The following OXR1 variants were observed in gnomAD, a reference collection of about 807,000 sequenced individuals.
The protein encoded by OXR1 is oxidation resistance protein 1.
OXR1 carries 41 observed loss-of-function variants against 104.6 expected under a neutral mutation model. The observed-to-expected ratio is 0.39, with a 90% CI of 0.31 to 0.51. The LOEUF (loss-of-function observed/expected upper bound fraction) is 0.51, where lower values mean the gene tolerates loss of function less well. OXR1 is among the 20% of genes least tolerant of loss of function. The pLI, the probability that OXR1 is intolerant of heterozygous loss-of-function variation, is 0.77. For missense variants in OXR1, 955 were observed against 1,031.9 expected, an observed-to-expected ratio of 0.93 and a Z score of 1.02; for synonymous variants, 348 against 348.4, an observed-to-expected ratio of 1.00 and a Z score of 0.01.
intron 1 of OXR1, among the ~76,000 whole-genome samples, chr8:106,348,731 T>G (rs1216671322): frequency 6.6e-6 from 1 of 152,218 alleles, no homozygotes; most frequent in African/African-American, 2.4e-5. Flanking sequence ...CTTTGAGTTT[T>G]GAACCGAGAA....
chr8:106,329,647 A>G (rs1167669229), intron 1 of OXR1, among the ~76,000 whole-genome samples: 7 of 152,182 alleles, frequency 4.6e-5, no homozygotes, highest in Non-Finnish European at 1.0e-4. Flanking sequence ...GCGCCCAGCC[A>G]TCAGTGACAC....
At chr8:106,542,863 C>T (rs117930821) in intron 3 of OXR1, among the ~76,000 whole-genome samples, 1 of 152,106 alleles carries the variant, frequency 6.6e-6, no homozygotes, top group Admixed American at 6.6e-5. Flanking sequence ...TTAGCAAACT[C>T]TCACCATTCT....
chr8:106,325,947 T>C (rs1266232053), intron 1 of OXR1, among the ~76,000 whole-genome samples: 3 of 152,202 alleles, frequency 2.0e-5, no homozygotes, highest in Non-Finnish European at 1.5e-5. Flanking sequence ...CTAAGTGCAA[T>C]GTATTTTTGT....
chr8:106,564,238 A>G (rs1816905727), intron 3 of OXR1, among the ~76,000 whole-genome samples: 2 of 152,180 alleles, frequency 1.3e-5, no homozygotes, highest in African/African-American at 2.4e-5. Flanking sequence ...ACCGCTAGCC[A>G]TACTAATAAA....
chr8:106,405,141 CATATATATATATATATATATATATATAT>C lies in OXR1; in HGVS notation c.23+45539_23+45566del, dbSNP rs143485889. Reference sequence around the variant, plus strand: ...GATTAGAGAGCCAATTCAGAAACCACATATATATATATATATATATATATATATATATATATATATATATATATATATA... The same window carrying C: ...GATTAGAGAGCCAATTCAGAAACCACATATATATATATATATATATATATA... On this transcript the variant is annotated intron_variant, in intron 2 of 16. Coordinates refer to ENST00000517566, the MANE Select transcript of OXR1 (RefSeq NM_001198533.2). Among the ~76,000 whole-genome samples, 520 of 79,748 alleles carry C rather than the reference CATATATATATATATATATATATATATAT, an allele frequency of 6.5e-3. 11 individuals are homozygous for C. The highest frequency in any genetic ancestry group is 0.025 in the Middle Eastern group (3 of 122). 52.3% of individuals were successfully genotyped at this position (79,748 alleles called of 152,430 possible).
intron 11 of OXR1, among the ~76,000 whole-genome samples, chr8:106,728,369 A>G (rs1449252784): frequency 6.6e-6 from 1 of 152,136 alleles, no homozygotes; most frequent in Non-Finnish European, 1.5e-5. Flanking sequence ...CTACCTCTGT[A>G]AGAGAGATTA....
chr8:106,388,791 C>G (rs1817482726), intron 2 of OXR1, among the ~76,000 whole-genome samples: 1 of 152,206 alleles, frequency 6.6e-6, no homozygotes, highest in African/African-American at 2.4e-5. Flanking sequence ...TATCTTGCAC[C>G]TTGAAGCTCG....
intron 2 of OXR1, among the ~76,000 whole-genome samples, chr8:106,384,917 G>A (rs1817310746): frequency 6.6e-6 from 1 of 151,864 alleles, no homozygotes; most frequent in Non-Finnish European, 1.5e-5. Flanking sequence ...GGTTTACTAG[G>A]TTGGCCAGGC....
chr8:106,680,450 T>G (rs948497755), intron 4 of OXR1, among the ~76,000 whole-genome samples: 2 of 152,164 alleles, frequency 1.3e-5, no homozygotes, highest in African/African-American at 4.8e-5. Context: ...TCTAGAAAAA[T>G]TCTTGGTAAT....
At chr8:106,668,048 CT>C (rs1255579265) in intron 3 of OXR1, among the ~76,000 whole-genome samples, 4 of 151,478 alleles carry the variant, frequency 2.6e-5, no homozygotes, top group Admixed American at 1.3e-4. Flanking sequence ...TTTAACCATG[CT>C]TTGGTATGAC....
chr8:106,459,905 A>G (rs1445245268), intron 2 of OXR1, among the ~76,000 whole-genome samples: 1 of 152,218 alleles, frequency 6.6e-6, no homozygotes, highest in African/African-American at 2.4e-5. Context: ...ACAAGCCAGC[A>G]CATGTTACAA....
At chr8:106,379,632 G>A (rs1288514542) in intron 2 of OXR1, among the ~76,000 whole-genome samples, 1 of 143,892 alleles carries the variant, frequency 6.9e-6, no homozygotes, top group Non-Finnish European at 1.5e-5. Flanking sequence ...CCGCCTCCCA[G>A]GTTCAAGCGA....
At chr8:106,680,787 T>G (rs1428283242) in intron 4 of OXR1, among the ~76,000 whole-genome samples, 1 of 152,166 alleles carries the variant, frequency 6.6e-6, no homozygotes, top group African/African-American at 2.4e-5. Context: ...CACTTCATAC[T>G]AAACAAATTA....
intron 1 of OXR1, among the ~76,000 whole-genome samples, chr8:106,301,667 C>G (rs1813239420): frequency 1.3e-5 from 2 of 152,126 alleles, no homozygotes; most frequent in African/African-American, 4.8e-5. Flanking sequence ...TAGTACCTGT[C>G]TGATTTTGGT....
At chr8:106,507,449 T>G (rs1453932009) in intron 2 of OXR1, among the ~76,000 whole-genome samples, 1 of 152,190 alleles carries the variant, frequency 6.6e-6, no homozygotes, top group African/African-American at 2.4e-5. Context: ...CTTCCACAAA[T>G]ACACCCAGCA....
intron 3 of OXR1, among the ~76,000 whole-genome samples, chr8:106,651,208 A>G (rs1824541668): frequency 1.3e-5 from 2 of 152,138 alleles, no homozygotes. Context: ...ATGGCTTGAA[A>G]CTTTTTGATC....
Position 106,380,291 on chromosome 8 carries a change from A to T in OXR1, c.23+20655A>T, listed in dbSNP as rs75625168. Reference sequence around the variant, plus strand: ...TCAAGATTTATACGTGTCATAAAATATATTAGTACCTAATTTCTTAATTTC... The same window carrying T: ...TCAAGATTTATACGTGTCATAAAATTTATTAGTACCTAATTTCTTAATTTC... On this transcript the variant is annotated intron_variant, in intron 2 of 16. Transcript: ENST00000517566. 7.5e-3 allele frequency among the ~76,000 whole-genome samples: 1,146 copies of T among 152,240 alleles called. 16 individuals are homozygous for T. The highest frequency in any genetic ancestry group is 0.025 in the African/African-American group (1,054 of 41,502).
intron 2 of OXR1, among the ~76,000 whole-genome samples, chr8:106,460,248 T>C (rs1820829123): frequency 6.6e-6 from 1 of 152,200 alleles, no homozygotes; most frequent in Admixed American, 6.5e-5. Flanking sequence ...CCTAGAAATA[T>C]CTGTAAAGAC....
At chr8:106,653,307 CAA>C (rs1824777751) in intron 3 of OXR1, among the ~76,000 whole-genome samples, 1 of 151,508 alleles carries the variant, frequency 6.6e-6, no homozygotes, top group Non-Finnish European at 1.5e-5. Context: ...GAGGATATCA[CAA>C]GGGAAGAAAA....
Sources: allele counts gnomAD v4.1 joint callset (sites outside exome capture counted in the v4.1 genomes callset), GRCh38; gene constraint gnomAD v4.1.1; transcripts MANE v1.5; gene names NCBI Gene and HGNC (gene_info 2026-07-23, HGNC 2026-07-21).